Variants in SLC39A11 observed in about 807,000 individuals in gnomAD.
The protein encoded by SLC39A11 is zinc transporter ZIP11.
In SLC39A11, 33 loss-of-function variants were observed where a neutral mutation model predicts 36.1. That is an observed-to-expected ratio of 0.91 (90% CI 0.69 to 1.22). The LOEUF is 1.22. Among genes scored for constraint, SLC39A11 ranks in the 50% most tolerant of loss-of-function variants. The probability of loss-of-function intolerance (pLI) is 0.00; values close to 1 mark genes in which losing one functional copy is unlikely to be tolerated. For synonymous variants in SLC39A11, 166 were observed against 170.3 expected (o/e 0.97, Z 0.20); for missense variants, 432 against 430.3 (o/e 1.00, Z -0.03).
chr17:72,875,452 G>A (rs1349820555), intron 5 of SLC39A11, among the ~76,000 whole-genome samples: 2 of 152,158 alleles, frequency 1.3e-5, no homozygotes, highest in African/African-American at 2.4e-5. Flanking sequence ...GCGGGATTCT[G>A]GAACCCCCTG....
intron 4 of SLC39A11, among the ~76,000 whole-genome samples, chr17:72,966,340 T>A (rs1420542672): frequency 1.3e-5 from 2 of 152,188 alleles, no homozygotes; most frequent in African/African-American, 4.8e-5. Flanking sequence ...TGGGCATTCC[T>A]CCTACAAAGA....
At chr17:72,738,206 G>A (rs981580235) in intron 6 of SLC39A11, among the ~76,000 whole-genome samples, 5 of 151,986 alleles carry the variant, frequency 3.3e-5, no homozygotes, top group Admixed American at 1.3e-4. Context: ...GGCTTTCACC[G>A]TGTTAGCCAG....
chr17:72,779,750 G>A (rs766221787), intron 6 of SLC39A11, among the ~76,000 whole-genome samples: 4 of 152,126 alleles, frequency 2.6e-5, no homozygotes, highest in Admixed American at 6.5e-5. Context: ...TGTGATCCCC[G>A]GACTTCTCAG....
At chr17:72,797,307 G>A (rs72843296) in intron 6 of SLC39A11, among the ~76,000 whole-genome samples, 3,330 of 152,102 alleles carry the variant, frequency 0.022, 65 homozygotes, top group Non-Finnish European at 0.032. Flanking sequence ...GAGGCAATAC[G>A]GAGCCTCTGC....
intron 2 of SLC39A11, among the ~76,000 whole-genome samples, chr17:73,085,590 C>T (rs573029367): frequency 1.4e-5 from 2 of 139,362 alleles, no homozygotes; most frequent in South Asian, 4.5e-4. Context: ...TGCAGTGAGC[C>T]AAGATCATGC....
In SLC39A11 at chr17:72,958,850, T is replaced by TA. The variant is rs1487909957; in HGVS notation, c.307-10976dup. ...TGGGCGACAGAGCGAGACTCTGTCT[T>TA]AAAAAAAAGAAAAAAGAAAAAAAAA... On this transcript the variant is annotated intron_variant, in intron 4 of 9. Transcript: ENST00000255559. Among the ~76,000 whole-genome samples the TA allele has an allele frequency of 5.4e-5, 7 of 129,420 alleles. No homozygotes were observed. The South Asian group carries it at 7.1e-4, about 13-fold the overall frequency. The allele number at this position is 129,420 out of a possible 152,430, so 84.9% of individuals were successfully genotyped here. A position where few individuals can be genotyped will look rare whatever the true frequency, so the allele number is the denominator to read the frequency against.
intron 6 of SLC39A11, among the ~76,000 whole-genome samples, chr17:72,783,727 G>A (rs748031388): frequency 1.3e-5 from 2 of 152,192 alleles, no homozygotes; most frequent in African/African-American, 4.8e-5. Context: ...GCTTCTAAAC[G>A]CAGGCAGGAG....
chr17:72,953,430 A>G (rs1011788911), intron 4 of SLC39A11, among the ~76,000 whole-genome samples: 1 of 152,238 alleles, frequency 6.6e-6, no homozygotes, highest in African/African-American at 2.4e-5. Context: ...CTTGCCTTAC[A>G]TTAAACCAAA....
intron 6 of SLC39A11, among the ~76,000 whole-genome samples, chr17:72,833,996 C>A (rs1052124341): frequency 6.6e-6 from 1 of 152,212 alleles, no homozygotes; most frequent in Non-Finnish European, 1.5e-5. Context: ...GTAGGACATA[C>A]CCCATGACTG....
intron 4 of SLC39A11, among the ~76,000 whole-genome samples, chr17:72,965,502 C>T (rs1465150871): frequency 6.6e-6 from 1 of 152,208 alleles, no homozygotes; most frequent in African/African-American, 2.4e-5. Flanking sequence ...AGGTATTCAA[C>T]ACCTTATTAT....
intron 3 of SLC39A11, among the ~76,000 whole-genome samples, chr17:73,082,116 T>TAAAAAA (rs1462631665): frequency 3.0e-4 from 24 of 80,186 alleles, no homozygotes; most frequent in Admixed American, 3.4e-4. Flanking sequence ...CTACTGAAAC[T>TAAAAAA]AAAAAAAAAG....
At chr17:72,987,450 G>A (rs149945402) in intron 4 of SLC39A11, among the ~76,000 whole-genome samples, 81 of 152,274 alleles carry the variant, frequency 5.3e-4, no homozygotes, top group African/African-American at 1.8e-3. Context: ...TTAGCATACA[G>A]TTCCTGGATT....
chr17:72,992,955 G>GCA (rs2089277029), intron 4 of SLC39A11: 1 of 152,198 alleles, frequency 6.6e-6, no homozygotes, highest in Non-Finnish European at 1.5e-5. Context: ...CTTACATGCT[G>GCA]GCAGACAAGA....
chr17:72,865,426 A>C (rs947112858), intron 5 of SLC39A11, among the ~76,000 whole-genome samples: 5 of 150,944 alleles, frequency 3.3e-5, no homozygotes, highest in South Asian at 2.2e-4. Flanking sequence ...AAAAAAAAAA[A>C]ACAACTTTGG....
intron 4 of SLC39A11, among the ~76,000 whole-genome samples, chr17:73,025,202 G>T (rs752865909): frequency 6.6e-6 from 1 of 152,116 alleles, no homozygotes; most frequent in African/African-American, 2.4e-5. Flanking sequence ...CCTGGAGCCC[G>T]TCTGGGCAGG....
chr17:73,018,933 T>C (rs1480815984), intron 4 of SLC39A11, among the ~76,000 whole-genome samples: 1 of 151,976 alleles, frequency 6.6e-6, no homozygotes, highest in Non-Finnish European at 1.5e-5. Context: ...TGATAAAGTC[T>C]TAGGAGCAGC....
chr17:72,824,394 C>T (rs908437664), intron 6 of SLC39A11, among the ~76,000 whole-genome samples: 23 of 151,310 alleles, frequency 1.5e-4, no homozygotes, highest in African/African-American at 5.6e-4. Flanking sequence ...AATTAAATCT[C>T]TTTTCTTTAT....
intron 5 of SLC39A11, among the ~76,000 whole-genome samples, chr17:72,862,396 A>G (rs2080085578): frequency 6.6e-6 from 1 of 152,244 alleles, no homozygotes; most frequent in African/African-American, 2.4e-5. Context: ...AGTGAAATCA[A>G]TATGAGGACA....
In SLC39A11 at chr17:72,674,593, G is replaced by A. The variant is rs114071235; in HGVS notation, c.672-25325C>T. Among the ~76,000 whole-genome samples the A allele has an allele frequency of 6.1e-3, 933 of 152,286 alleles. 6 individuals are homozygous for A. Among genetic ancestry groups the A allele is most frequent in the African/African-American group, 0.02 (832 of 41,544 alleles). On this transcript the variant is annotated intron_variant, in intron 7 of 9. Transcript: ENST00000255559. Reference sequence around the variant, plus strand: ...GTTTCCTGGATCAAAAAGGAAATGCGTATGTACTTTTATTAGATATTGCCA... The same window carrying A: ...GTTTCCTGGATCAAAAAGGAAATGCATATGTACTTTTATTAGATATTGCCA...
Sources: gnomAD v4.1 joint callset for allele counts (sites outside exome capture counted in the v4.1 genomes callset) on GRCh38, gnomAD v4.1.1 for gene constraint, MANE v1.5 for transcripts, NCBI Gene and HGNC (gene_info 2026-07-23, HGNC 2026-07-21) for gene names.